Variants in SLC22A23 observed in about 807,000 individuals in gnomAD.
The protein encoded by SLC22A23 is solute carrier family 22 member 23, also known as ion transporter protein.
In SLC22A23, 26 loss-of-function variants were observed where a neutral mutation model predicts 61.0. The ratio of observed to expected loss-of-function variants is 0.43; its 90% CI spans 0.31 to 0.59. The LOEUF (loss-of-function observed/expected upper bound fraction) is 0.59. Among genes scored for constraint, SLC22A23 ranks in the 20% least tolerant of loss-of-function variants. SLC22A23 has a pLI of 0.11. For synonymous variants in SLC22A23, 430 were observed against 413.9 expected (o/e 1.04, Z -0.47); for missense variants, 796 against 934.7 (o/e 0.85, Z 1.94).
chr6:3,288,645 G>A (rs565286499), intron 6 of SLC22A23, among the ~76,000 whole-genome samples: 1 of 152,342 alleles, frequency 6.6e-6, no homozygotes, highest in Non-Finnish European at 1.5e-5. Context: ...TCATTAAAAT[G>A]GAAACTCACC....
At chr6:3,321,580 T>TAA (rs370975505) in intron 4 of SLC22A23, among the ~76,000 whole-genome samples, 22 of 148,692 alleles carry the variant, frequency 1.5e-4, no homozygotes, top group African/African-American at 5.2e-4. Flanking sequence ...TTTCTAAAAT[T>TAA]AAAAAAAAAA....
Position 3,324,048 on chromosome 6 carries a change from A to C in SLC22A23, c.914-46T>G, listed in dbSNP as rs1426333824. 1 of 1,597,154 alleles carries C rather than the reference A, an allele frequency of 6.3e-7. No individual in the cohort carries two copies. On this transcript the variant is annotated intron_variant, in intron 3 of 9. Transcript: ENST00000406686. This position sits in a 1 kb window ranked among gnomAD's most constrained non-coding sequence, Gnocchi z 4.3. ...GAGAGAGATGAGTGCCCTGCTCGACAGCCCGAGAAGTCCTGGGTGCACCTG... is the reference window on the plus strand; with the variant it reads ...GAGAGAGATGAGTGCCCTGCTCGACCGCCCGAGAAGTCCTGGGTGCACCTG...
In SLC22A23 at chr6:3,362,523, GCCATGACCTTTCTGAGA is replaced by G. The variant is rs1175044509; in HGVS notation, c.914-38538_914-38522del. ...CCAAACAGTTGTTAACCAGGCAAAG[GCCATGACCTTTCTGAGA>G]TCTCTTCATGGCCCTGGGCTCCATG... On this transcript the variant is annotated intron_variant, in intron 3 of 9. Transcript: ENST00000406686. Among the ~76,000 whole-genome samples the G allele has an allele frequency of 3.9e-5, 6 of 152,054 alleles. No individual in the cohort carries two copies. In the East Asian group the frequency reaches 5.8e-4, roughly 15 times the overall value.
At chr6:3,444,498 C>T (rs777019352) in intron 1 of SLC22A23, among the ~76,000 whole-genome samples, 13 of 152,166 alleles carry the variant, frequency 8.5e-5, no homozygotes, top group Non-Finnish European at 1.6e-4. Context: ...CATATGTTCA[C>T]GCAGCACACC....
intron 1 of SLC22A23, among the ~76,000 whole-genome samples, chr6:3,441,630 C>A (rs1771602083): frequency 1.3e-5 from 2 of 152,228 alleles, no homozygotes; most frequent in South Asian, 4.1e-4. Flanking sequence ...TCCTCTGCGC[C>A]CCTGCACCTT....
intron 3 of SLC22A23, among the ~76,000 whole-genome samples, chr6:3,395,169 AG>A (rs1260279300): frequency 1.8e-4 from 27 of 152,350 alleles, no homozygotes; most frequent in Non-Finnish European, 2.5e-4. Context: ...TATTAATACA[AG>A]GGTATTCTCA....
chr6:3,419,698 A>G (rs1769991028), intron 1 of SLC22A23, among the ~76,000 whole-genome samples: 1 of 152,214 alleles, frequency 6.6e-6, no homozygotes, highest in African/African-American at 2.4e-5. Flanking sequence ...TTCCCTGGAC[A>G]GGCTAGCTCT....
rs114433588 is a variant in SLC22A23, at chr6:3,354,149, A to G, written c.914-30147T>C. Among the ~76,000 whole-genome samples, 357 of 152,350 alleles carry G rather than the reference A, an allele frequency of 2.3e-3. 2 individuals carry two copies. Among genetic ancestry groups the G allele is most frequent in the Non-Finnish European group, 3.1e-3 (212 of 68,026 alleles). On this transcript the variant is annotated intron_variant, in intron 3 of 9. Coordinates refer to ENST00000406686, the MANE Select transcript of SLC22A23 (RefSeq NM_015482.2). ...TTAGAGTTGGCATGGCCAAGACAAG[A>G]GCCACATGCAACTTCTAAGCAAAAC...
At chr6:3,406,483 T>C (rs1260422852) in intron 3 of SLC22A23, among the ~76,000 whole-genome samples, 1 of 152,200 alleles carries the variant, frequency 6.6e-6, no homozygotes, top group Non-Finnish European at 1.5e-5. Flanking sequence ...GCTTCTTTTC[T>C]TGGTCCGTGC....
At chr6:3,289,316 C>T (rs1444776926) in intron 6 of SLC22A23, among the ~76,000 whole-genome samples, 3 of 152,270 alleles carry the variant, frequency 2.0e-5, no homozygotes, top group African/African-American at 7.2e-5. Flanking sequence ...TCAGGCCCAC[C>T]TGCCTCCACC....
intron 5 of SLC22A23, among the ~76,000 whole-genome samples, chr6:3,292,165 G>A (rs1760657169): frequency 1.3e-5 from 2 of 152,198 alleles, no homozygotes. Flanking sequence ...TCACCAGCCT[G>A]TCAACAACAG....
At chr6:3,321,586 A>C (rs1352571213) in intron 4 of SLC22A23, among the ~76,000 whole-genome samples, 2 of 152,152 alleles carry the variant, frequency 1.3e-5, no homozygotes, top group Non-Finnish European at 2.9e-5. Context: ...AAATTAAAAA[A>C]AAAACAAAAC....
At chr6:3,280,538 C>G (rs1482037329) in intron 9 of SLC22A23, among the ~76,000 whole-genome samples, 3 of 129,262 alleles carry the variant, frequency 2.3e-5, no homozygotes, top group African/African-American at 8.2e-5. Context: ...CTCTGTCGCC[C>G]AGGCTGGAGT....
intron 1 of SLC22A23, among the ~76,000 whole-genome samples, chr6:3,420,201 A>C (rs930464285): frequency 6.6e-6 from 1 of 151,274 alleles, no homozygotes; most frequent in Non-Finnish European, 1.5e-5. Context: ...CATTTCACAC[A>C]CGTTAGTTGC....
intron 3 of SLC22A23, among the ~76,000 whole-genome samples, chr6:3,367,243 C>G (rs1765894333): frequency 6.6e-6 from 1 of 152,172 alleles, no homozygotes; most frequent in Non-Finnish European, 1.5e-5. Flanking sequence ...AGTACATTTC[C>G]AAAACAGTCC....
intron 3 of SLC22A23, among the ~76,000 whole-genome samples, chr6:3,406,695 T>C (rs1238466671): frequency 6.6e-6 from 1 of 152,180 alleles, no homozygotes. Flanking sequence ...TCTCTCTTGC[T>C]CTTGCCAATG....
At chr6:3,439,300 G>T in intron 1 of SLC22A23, 1 of 449,340 alleles carries the variant, frequency 2.2e-6, no homozygotes, top group Non-Finnish European at 4.5e-6. Flanking sequence ...ATCATACCCC[G>T]TGGAAAGTGT....
intron 3 of SLC22A23, among the ~76,000 whole-genome samples, chr6:3,356,409 C>T (rs564843600): frequency 6.6e-6 from 1 of 151,880 alleles, no homozygotes; most frequent in South Asian, 2.1e-4. Context: ...GAGATGGCAG[C>T]GACCTCATCC....
In SLC22A23 at chr6:3,273,233, T is replaced by A; in HGVS notation, c.1883A>T (p.Glu628Val). 1.9e-6 allele frequency: 3 copies of A among 1,612,880 alleles called. No individual in the cohort carries two copies. The highest frequency in any genetic ancestry group is 2.5e-6 in the Non-Finnish European group (3 of 1,179,108). Residue 628 changes from glutamate to valine, a missense_variant, in exon 10 of 10, where the codon GAG (glutamate) becomes GTG (valine). Physicochemically the swap from Glu to Val is moderately radical, Grantham distance 121. Coordinates refer to ENST00000406686, the MANE Select transcript of SLC22A23 (RefSeq NM_015482.2). ...LPESRDQNLP[E>V]NISNGEHYTR... ...GTAGTGCTCCCCGTTAGAAATGTTC[T>A]CAGGCAGGTTCTGGTCCCTGCTCTC... is the stretch of plus-strand genomic sequence containing the variant.
Sources: allele counts gnomAD v4.1 joint callset (sites outside exome capture counted in the v4.1 genomes callset), GRCh38; gene constraint gnomAD v4.1.1; non-coding constraint Gnocchi (gnomAD v3.1); transcripts MANE v1.5; gene names NCBI Gene and HGNC (gene_info 2026-07-23, HGNC 2026-07-21).